The following LCN10 variants were observed in gnomAD, a reference collection of about 807,000 sequenced individuals.
The protein encoded by LCN10 is lipocalin 10.
LCN10 carries 18 observed loss-of-function variants against 25.1 expected under a neutral mutation model. The observed-to-expected ratio is 0.72, with a 90% CI of 0.50 to 1.06. LCN10 has a LOEUF of 1.06. Ranked by LOEUF, LCN10 falls within the 50% of genes least tolerant of loss-of-function variation. The probability of loss-of-function intolerance (pLI) is 0.00; values close to 1 mark genes in which losing one functional copy is unlikely to be tolerated. For missense variants in LCN10, 257 were observed against 258.9 expected, an observed-to-expected ratio of 0.99 and a Z score of 0.05; for synonymous variants, 130 against 116.7, an observed-to-expected ratio of 1.11 and a Z score of -0.73.
At chr9:136,742,127 C>CTGGGACTCCGGCTCA in intron 1 of LCN10, 107 bp from the exon 2 acceptor site, 1 of 1,416,800 alleles carries the variant, frequency 7.1e-7, no homozygotes, top group Non-Finnish European at 9.5e-7. Flanking sequence ...CTTCTGTGAG[C>CTGGGACTCCGGCTCA]CGGAGTCCCA....
At position 136,739,401 on chromosome 9, in the gene LCN10, G is replaced by A; in HGVS notation, c.*124C>T. On this transcript the variant is annotated 3_prime_UTR_variant, in exon 6 of 6. Transcript: ENST00000497771. This position sits in a 1 kb window ranked among gnomAD's most constrained non-coding sequence, Gnocchi z 6.1. ...CCTTGAGCCACTTGATTTTCACACT[G>A]TCAATGACCTAGAGTCACCAAACAC... is the stretch of plus-strand genomic sequence containing the variant. The A allele has an allele frequency of 1.0e-6, 1 of 1,001,786 alleles. No individual in the cohort carries two copies. Among genetic ancestry groups the A allele is most frequent in the Non-Finnish European group, 1.5e-6 (1 of 655,430 alleles). The allele number at this position is 1,001,786 out of a possible 1,614,324, so 62.1% of individuals were successfully genotyped here. A position where few individuals can be genotyped will look rare whatever the true frequency, so the allele number is the denominator to read the frequency against.
Position 136,742,779 on chromosome 9 carries a change from T to A in LCN10, c.117+8A>T, listed in dbSNP as rs1428505027. 6.2e-7 allele frequency: 1 copy of A among 1,613,200 alleles called. No individual in the cohort carries two copies. Among genetic ancestry groups the A allele is most frequent in the Non-Finnish European group, 8.5e-7 (1 of 1,179,700 alleles). ...GCCCGGCTCAGGGACCAGTGGCACA[T>A]GGCTCACCTTGTTCCAGTTGAGGGC... On this transcript the variant is annotated splice_region_variant and intron_variant, in intron 1 of 5. Coordinates refer to ENST00000497771, the MANE Select transcript of LCN10 (RefSeq NM_001001712.3).
In LCN10 at chr9:136,739,946, T is replaced by C. The variant is rs1846898033; in HGVS notation, c.574+4A>G. ...GAGGGCAAAGGGCTGAGGGCACAGC[T>C]TACCGTCTTTCGGGAGGATGACGGC... On this transcript the variant is annotated splice_donor_region_variant and intron_variant, in intron 5 of 5. Coordinates refer to ENST00000497771, the MANE Select transcript of LCN10 (RefSeq NM_001001712.3). This position sits in a 1 kb window ranked among gnomAD's most constrained non-coding sequence, Gnocchi z 6.1. The C allele has an allele frequency of 6.3e-7, 1 of 1,580,152 alleles. No individual in the cohort carries two copies. Among genetic ancestry groups the C allele is most frequent in the Admixed American group, 1.8e-5 (1 of 55,036 alleles).
In LCN10 at chr9:136,738,843, T is replaced by C. The variant is rs760260199; in HGVS notation, c.*682A>G. The C allele has an allele frequency of 2.0e-5, 3 of 152,564 alleles. No individual in the cohort carries two copies. The highest frequency in any genetic ancestry group is 7.2e-5 in the African/African-American group (3 of 41,454). The allele number at this position is 152,564 out of a possible 1,614,324, so 9.5% of individuals were successfully genotyped here. On this transcript the variant is annotated 3_prime_UTR_variant, in exon 6 of 6. Coordinates refer to ENST00000497771, the MANE Select transcript of LCN10 (RefSeq NM_001001712.3). The stretch of plus-strand genomic sequence containing the variant: ...CTTCCCAGGTCAGCCCAAATGCCAC[T>C]TCCCCCAGGAAGCTCTCCCTGATGC...
At position 136,742,792 on chromosome 9, in the gene LCN10, T is replaced by A; in HGVS notation, c.112A>T (p.Asn38Tyr). Reference sequence around the variant, plus strand: ...ACCAGTGGCACATGGCTCACCTTGTTCCAGTTGAGGGCGTGGGACTCCCTG... The same window carrying A: ...ACCAGTGGCACATGGCTCACCTTGTACCAGTTGAGGGCGTGGGACTCCCTG... The part of the protein sequence containing the change: ...YPRESHALNW[N>Y]KFSGFWYILA... Residue 38 changes from asparagine to tyrosine, a missense_variant, in exon 1 of 6, where the codon AAC becomes TAC. Asn to Tyr is a moderately radical substitution (Grantham distance 143). Transcript: ENST00000497771. 1 of 1,613,300 alleles carries A rather than the reference T, an allele frequency of 6.2e-7. No individual in the cohort carries two copies. Among genetic ancestry groups the A allele is most frequent in the Non-Finnish European group, 8.5e-7 (1 of 1,179,730 alleles).
chr9:136,740,767 C>T lies in LCN10; in HGVS notation c.475+69G>A. 7.7e-7 allele frequency: 1 copy of T among 1,292,880 alleles called. No individual in the cohort carries two copies. 80.1% of individuals were successfully genotyped at this position (1,292,880 alleles called of 1,614,324 possible). Reference sequence around the variant, plus strand: ...CTCACCTCCTGCCCGGCCCCCTGTGCCCAGCGCCCCTCTATGCCTCCCTCT... The same window carrying T: ...CTCACCTCCTGCCCGGCCCCCTGTGTCCAGCGCCCCTCTATGCCTCCCTCT... On this transcript the variant is annotated intron_variant, in intron 4 of 5. Transcript: ENST00000497771. The surrounding 1 kb of genome is among the most constrained non-coding windows in gnomAD (Gnocchi z 5.3).
At position 136,739,635 on chromosome 9, in the gene LCN10, T is replaced by A. The variant is rs116557487; in HGVS notation, c.575-82A>T. The A allele has an allele frequency of 9.9e-4, 1,332 of 1,350,774 alleles. 6 individuals carry two copies. The African/African-American group carries it at 0.017, about 18-fold the overall frequency. 83.7% of individuals were successfully genotyped at this position (1,350,774 alleles called of 1,614,324 possible). On this transcript the variant is annotated intron_variant, in intron 5 of 5. Transcript: ENST00000497771. This position sits in a 1 kb window ranked among gnomAD's most constrained non-coding sequence, Gnocchi z 6.1. ...CCGTGAACACGTCTCCCCCGGCCGC[T>A]CCCTGGTTCCATGCGTGCTCGTCTT... is the stretch of plus-strand genomic sequence containing the variant.
chr9:136,739,802 G>A lies in LCN10; in HGVS notation c.574+148C>T, dbSNP rs1016949537. 2.4e-5 allele frequency: 19 copies of A among 808,240 alleles called. No individual in the cohort carries two copies. The highest frequency in any genetic ancestry group is 3.3e-5 in the Non-Finnish European group (16 of 482,100). The allele number at this position is 808,240 out of a possible 1,614,324, so 50.1% of individuals were successfully genotyped here. On this transcript the variant is annotated intron_variant, in intron 5 of 5. Transcript: ENST00000497771. The surrounding 1 kb of genome is among the most constrained non-coding windows in gnomAD (Gnocchi z 6.1). ...AGGCCAAGCCCCGATTCTCAGGGGC[G>A]GCAGGAGGTGGGAGGCACGTTTGGG...
rs1312300707 is a variant in LCN10, at chr9:136,739,261, T to G, written c.*264A>C. 4 of 498,886 alleles carry G rather than the reference T, an allele frequency of 8.0e-6. No individual in the cohort carries two copies. In the Admixed American group the frequency reaches 1.3e-4, roughly 16 times the overall value. 30.9% of individuals were successfully genotyped at this position (498,886 alleles called of 1,614,324 possible). On this transcript the variant is annotated 3_prime_UTR_variant, in exon 6 of 6. Transcript: ENST00000497771. The surrounding 1 kb of genome is among the most constrained non-coding windows in gnomAD (Gnocchi z 6.1). ...GGTCTGTTTCACAGCAGACAGGGAA[T>G]AGCAGCAGCCTGCAGTGTGCTCCAG...
Position 136,739,182 on chromosome 9 carries a change from G to A in LCN10, c.*343C>T, listed in dbSNP as rs907189263. 8 of 293,176 alleles carry A rather than the reference G, an allele frequency of 2.7e-5. No individual in the cohort carries two copies. Among genetic ancestry groups the A allele is most frequent in the African/African-American group, 4.4e-5 (2 of 45,864 alleles). 18.2% of individuals were successfully genotyped at this position (293,176 alleles called of 1,614,324 possible). ...GTAAAGGAACGCGGAGGGTGGCGGC[G>A]GCGTGGAGGGCAGAGGCAAGGCACA... On this transcript the variant is annotated 3_prime_UTR_variant, in exon 6 of 6. Transcript: ENST00000497771. This position sits in a 1 kb window ranked among gnomAD's most constrained non-coding sequence, Gnocchi z 6.1.
Position 136,738,659 on chromosome 9 carries a change from C to G in LCN10, c.*866G>C, listed in dbSNP as rs940909117. On this transcript the variant is annotated 3_prime_UTR_variant, in exon 6 of 6. Transcript: ENST00000497771. ...GTGGTCTGGTGGGCCCCCTCCTGCT[C>G]CTCTGTGGCTCTCCCCGCCGCCATT... is the stretch of plus-strand genomic sequence containing the variant. 2 of 152,318 alleles carry G rather than the reference C, an allele frequency of 1.3e-5. No homozygotes were observed. Among genetic ancestry groups the G allele is most frequent in the African/African-American group, 2.4e-5 (1 of 41,460 alleles). 9.4% of individuals were successfully genotyped at this position (152,318 alleles called of 1,614,324 possible).
intron 1 of LCN10, chr9:136,742,564 T>C: frequency 1.8e-6 from 1 of 569,770 alleles, no homozygotes; most frequent in Non-Finnish European, 3.1e-6. Context: ...TGGCCCTCCC[T>C]GACCCCCCTG....
chr9:136,742,801 GGGC>G lies in LCN10; in HGVS notation c.100_102del (p.Ala34del). ...ACATGGCTCACCTTGTTCCAGTTGA[GGGC>G]GTGGGACTCCCTGGGGTACCACTCC... On this transcript the variant is annotated inframe_deletion, in exon 1 of 6. Coordinates refer to ENST00000497771, the MANE Select transcript of LCN10 (RefSeq NM_001001712.3). The G allele has an allele frequency of 1.9e-6, 3 of 1,613,438 alleles. No homozygotes were observed. The highest frequency in any genetic ancestry group is 2.5e-6 in the Non-Finnish European group (3 of 1,179,772).
At position 136,740,211 on chromosome 9, in the gene LCN10, C is replaced by T; in HGVS notation, c.476-163G>A. On this transcript the variant is annotated intron_variant, in intron 4 of 5. Coordinates refer to ENST00000497771, the MANE Select transcript of LCN10 (RefSeq NM_001001712.3). This position sits in a 1 kb window ranked among gnomAD's most constrained non-coding sequence, Gnocchi z 5.3. ...GGACAGCGGCCGCTGGGCCCCTCCC[C>T]ACTTACGAGGCAGCCAGGCTCGGGA... 1 of 636,622 alleles carries T rather than the reference C, an allele frequency of 1.6e-6. No homozygotes were observed. Among genetic ancestry groups the T allele is most frequent in the Non-Finnish European group, 2.9e-6 (1 of 349,714 alleles). The allele number at this position is 636,622 out of a possible 1,614,324, so 39.4% of individuals were successfully genotyped here. A position where few individuals can be genotyped will look rare whatever the true frequency, so the allele number is the denominator to read the frequency against.
Position 136,741,282 on chromosome 9 carries a change from C to T in LCN10, c.337G>A (p.Ala113Thr), listed in dbSNP as rs769735847. The change falls in exon 3 of 6, where the codon GCG becomes ACG. Residue 113 changes from alanine (A) to threonine (T), a missense_variant. Ala to Thr is a moderately conservative substitution (Grantham distance 58). Transcript: ENST00000497771. ...KPVFGNACAY[A>T]AGPREGQEGV... ...TCCTGTCCTTCCCTCGGGCCCGCCG[C>T]GTATGCACAGGCGTTCCCAAACACC... The T allele has an allele frequency of 5.0e-6, 8 of 1,613,568 alleles. No individual in the cohort carries two copies. Among genetic ancestry groups the T allele is most frequent in the South Asian group, 2.2e-5 (2 of 91,086 alleles).
intron 2 of LCN10, chr9:136,741,564 G>C (rs984637279): frequency 3.3e-6 from 2 of 606,662 alleles, no homozygotes; most frequent in African/African-American, 3.7e-5. Context: ...TTTCCAATTC[G>C]GACTGGGGCC....
rs771683531 is a variant in LCN10 at position 136,742,817 on chromosome 9, G to A, written c.87C>T (p.Pro29=). Residue 29 remains proline, a synonymous_variant, in exon 1 of 6, where the codon CCC becomes CCT. Transcript: ENST00000497771. ...TCCAGTTGAGGGCGTGGGACTCCCT[G>A]GGGTACCACTCCTGCACCTGGGACC... ...AAGSQVQEWY[P]RESHALNWNK... 2.5e-6 allele frequency: 4 copies of A among 1,613,502 alleles called. No homozygotes were observed. The highest frequency in any genetic ancestry group is 1.7e-5 in the Admixed American group (1 of 60,018).
At chr9:136,742,074 A>C in intron 1 of LCN10, 54 bp from the exon 2 acceptor site, 1 of 1,599,090 alleles carries the variant, frequency 6.3e-7, no homozygotes, top group Non-Finnish European at 8.5e-7. Context: ...GGCTGTCCCC[A>C]CCCCCGAGGT....
Position 136,739,953 on chromosome 9 carries a change from C to G in LCN10, c.571G>C (p.Asp191His). Residue 191 changes from aspartate (D) to histidine (H), a missense_variant, in exon 5 of 6, where the codon GAC (aspartate) becomes CAC (histidine). Physicochemically the swap from Asp to His is moderately conservative, Grantham distance 81. Transcript: ENST00000497771. This position sits in a 1 kb window ranked among gnomAD's most constrained non-coding sequence, Gnocchi z 6.1. ...AAGGGCTGAGGGCACAGCTTACCGT[C>G]TTTCGGGAGGATGACGGCGGCCTTG... The part of the protein sequence containing the change: ...LSKAAVILPK[D>H]ASRTHTILP The G allele has an allele frequency of 6.3e-7, 1 of 1,585,020 alleles. No homozygotes were observed. Among genetic ancestry groups the G allele is most frequent in the Non-Finnish European group, 8.6e-7 (1 of 1,165,284 alleles).
Sources: allele counts gnomAD v4.1 joint callset, GRCh38; gene constraint gnomAD v4.1.1; non-coding constraint Gnocchi (gnomAD v3.1); transcripts MANE v1.5; gene names NCBI Gene and HGNC (gene_info 2026-07-23, HGNC 2026-07-21).